Variants in WWOX observed in about 807,000 individuals in gnomAD.
WWOX encodes WW domain containing oxidoreductase.
Under a neutral mutation model 46.2 loss-of-function variants are expected in WWOX, and 69 were observed. The observed-to-expected ratio is 1.49, with a 90% confidence interval of 1.23 to 1.82. The LOEUF (loss-of-function observed/expected upper bound fraction) is 1.82. WWOX is among the 40% of genes most tolerant of loss of function. The pLI is 0.00. For synonymous variants in WWOX, 359 were observed against 202.6 expected, an observed-to-expected ratio of 1.77 and a Z score of -6.56; for missense variants, 919 against 542.6, an observed-to-expected ratio of 1.69 and a Z score of -6.89.
At chr16:78,711,819 C>G (rs1174252983) in intron 8 of WWOX, among the ~76,000 whole-genome samples, 2 of 152,172 alleles carry the variant, frequency 1.3e-5, no homozygotes, top group Non-Finnish European at 2.9e-5. Context: ...CACTCTCCCA[C>G]TGTAAATGCA....
intron 8 of WWOX, among the ~76,000 whole-genome samples, chr16:78,471,239 C>G (rs1374029022): frequency 6.6e-6 from 1 of 152,124 alleles, no homozygotes; most frequent in Non-Finnish European, 1.5e-5. Flanking sequence ...CTGCTTTTCC[C>G]TGTCCTGCCA....
chr16:78,993,923 C>T (rs552031480), intron 8 of WWOX, among the ~76,000 whole-genome samples: 6 of 152,244 alleles, frequency 3.9e-5, no homozygotes, highest in African/African-American at 7.2e-5. Context: ...GTGTATGTGA[C>T]CGCTTCCCCC....
intron 8 of WWOX, among the ~76,000 whole-genome samples, chr16:78,811,070 C>T (rs2051175902): frequency 6.6e-6 from 1 of 152,094 alleles, no homozygotes; most frequent in African/African-American, 2.4e-5. Context: ...AAGCAGTGTG[C>T]CAGTAAGACA....
rs188859796 is a variant in WWOX at position 78,164,213 on chromosome 16, A to C, written c.440A>C (p.His147Pro). 1.2e-6 allele frequency: 2 copies of C among 1,614,098 alleles called. No homozygotes were observed. Among genetic ancestry groups the C allele is most frequent in the Non-Finnish European group, 8.5e-7 (1 of 1,180,012 alleles). ...GFETAKSFAL[H>P]GAHVILACRN... The stretch of plus-strand genomic sequence containing the variant: ...GAAACCGCCAAGTCTTTTGCCCTCC[A>C]TGGTGCACATGTGATCTTGGCCTGC... The change falls in exon 5 of 9, where the codon CAT becomes CCT. Residue 147 changes from histidine to proline, a missense_variant. By Grantham distance (77) the His-to-Pro change is moderately conservative. Transcript: ENST00000566780.
intron 8 of WWOX, among the ~76,000 whole-genome samples, chr16:78,797,863 C>G (rs143104376): frequency 1.3e-5 from 2 of 152,308 alleles, no homozygotes; most frequent in African/African-American, 4.8e-5. Flanking sequence ...TGGCGCGTGC[C>G]TGTAGTCCTA....
chr16:78,817,846 G>C (rs145961234), intron 8 of WWOX, among the ~76,000 whole-genome samples: 2 of 152,146 alleles, frequency 1.3e-5, no homozygotes, highest in East Asian at 3.9e-4. Flanking sequence ...TTCTGATGAG[G>C]TCAAGCCTTC....
chr16:78,374,373 C>A (rs978058455), intron 5 of WWOX, among the ~76,000 whole-genome samples: 1 of 152,076 alleles, frequency 6.6e-6, no homozygotes, highest in East Asian at 1.9e-4. Flanking sequence ...AAACAAACTT[C>A]ACTTGTTAGT....
At chr16:78,470,369 C>T (rs1185974764) in intron 8 of WWOX, among the ~76,000 whole-genome samples, 1 of 152,196 alleles carries the variant, frequency 6.6e-6, no homozygotes, top group African/African-American at 2.4e-5. Flanking sequence ...TTTAAAATCA[C>T]TTTGGATTCT....
chr16:79,172,854 CA>C (rs977100658), intron 8 of WWOX, among the ~76,000 whole-genome samples: 1 of 109,204 alleles, frequency 9.2e-6, no homozygotes, highest in Non-Finnish European at 1.8e-5. Flanking sequence ...AGACTACCTG[CA>C]AAAAGAAAAA....
intron 5 of WWOX, among the ~76,000 whole-genome samples, chr16:78,178,702 A>C (rs1240356345): frequency 6.6e-6 from 1 of 152,046 alleles, no homozygotes; most frequent in Non-Finnish European, 1.5e-5. Flanking sequence ...TGTGTCTACT[A>C]AAAATACAAA....
At chr16:78,833,757 C>T (rs941662265) in intron 8 of WWOX, among the ~76,000 whole-genome samples, 1 of 152,222 alleles carries the variant, frequency 6.6e-6, no homozygotes, top group Non-Finnish European at 1.5e-5. Context: ...ACCCATTTTG[C>T]TGATGAGGAA....
At chr16:78,930,624 C>G (rs1319369440) in intron 8 of WWOX, among the ~76,000 whole-genome samples, 3 of 149,730 alleles carry the variant, frequency 2.0e-5, no homozygotes, top group South Asian at 2.1e-4. Flanking sequence ...ACAAACTTCA[C>G]TCAGTTTGAA....
intron 8 of WWOX, among the ~76,000 whole-genome samples, chr16:79,142,268 G>A (rs531333548): frequency 1.3e-5 from 2 of 152,226 alleles, no homozygotes; most frequent in Admixed American, 6.5e-5. Context: ...TGGTAGTGAC[G>A]GGTGCCTCCA....
chr16:78,645,678 C>G (rs1351008192), intron 8 of WWOX, among the ~76,000 whole-genome samples: 1 of 152,074 alleles, frequency 6.6e-6, no homozygotes, highest in African/African-American at 2.4e-5. Flanking sequence ...AGAGGGAGAA[C>G]ATTAATCTAG....
At chr16:78,948,947 A>G (rs1230589875) in intron 8 of WWOX, among the ~76,000 whole-genome samples, 1 of 152,244 alleles carries the variant, frequency 6.6e-6, no homozygotes, top group African/African-American at 2.4e-5. Flanking sequence ...AGAGATTGCA[A>G]GCAGGGAAGG....
rs369184424 is a variant in WWOX, at chr16:78,876,981, T to C, written c.1057-334627T>C. Among the ~76,000 whole-genome samples the C allele has an allele frequency of 1.6e-3, 243 of 152,330 alleles. 1 individual carries two copies. Among genetic ancestry groups the C allele is most frequent in the African/African-American group, 5.6e-3 (234 of 41,582 alleles). ...TTTCCTCTGTATAGTCTTATTACTT[T>C]GCCTGTTAAGTTAACTGGTTCCTAT... On this transcript the variant is annotated intron_variant, in intron 8 of 8. Coordinates refer to ENST00000566780, the MANE Select transcript of WWOX (RefSeq NM_016373.4).
intron 5 of WWOX, among the ~76,000 whole-genome samples, chr16:78,216,921 C>T (rs1033312478): frequency 6.6e-6 from 1 of 152,120 alleles, no homozygotes; most frequent in Non-Finnish European, 1.5e-5. Flanking sequence ...TGGGGTTTCA[C>T]CATGTTGGCG....
At chr16:78,760,119 G>T (rs943522681) in intron 8 of WWOX, among the ~76,000 whole-genome samples, 4 of 152,128 alleles carry the variant, frequency 2.6e-5, no homozygotes, top group Non-Finnish European at 5.9e-5. Context: ...GTTCCATGTG[G>T]CTAGGGTGGG....
intron 5 of WWOX, among the ~76,000 whole-genome samples, chr16:78,383,645 G>T (rs898543717): frequency 1.1e-4 from 17 of 152,236 alleles, no homozygotes; most frequent in African/African-American, 3.9e-4. Flanking sequence ...AATTAGAATT[G>T]CAAACCCCCA....
Sources: gnomAD v4.1 joint callset for allele counts (sites outside exome capture counted in the v4.1 genomes callset) on GRCh38, gnomAD v4.1.1 for gene constraint, MANE v1.5 for transcripts, NCBI Gene and HGNC (gene_info 2026-07-23, HGNC 2026-07-21) for gene names.